The following SNIP1 variants were observed in gnomAD, a reference collection of about 807,000 sequenced individuals.
SNIP1 encodes smad nuclear-interacting protein 1.
SNIP1 carries 23 observed loss-of-function variants against 37.4 expected under a neutral mutation model. The ratio of observed to expected loss-of-function variants is 0.61; its 90% confidence interval spans 0.44 to 0.87. The LOEUF is 0.87. Among genes scored for constraint, SNIP1 ranks in the 40% least tolerant of loss-of-function variants. The pLI is 0.00. For missense variants in SNIP1, 459 were observed against 540.4 expected (o/e 0.85, Z 1.49); for synonymous variants, 174 against 200.0 (o/e 0.87, Z 1.10).
Position 37,554,179 on chromosome 1 carries a change from C to G in SNIP1, c.51G>C (p.Arg17=). 3 of 1,612,024 alleles carry G rather than the reference C, an allele frequency of 1.9e-6. No homozygotes were observed. Among genetic ancestry groups the G allele is most frequent in the Non-Finnish European group, 2.5e-6 (3 of 1,178,836 alleles). Residue 17 remains arginine, a synonymous_variant, in exon 1 of 4, where the codon CGG becomes CGC. Coordinates refer to ENST00000296215, the MANE Select transcript of SNIP1 (RefSeq NM_024700.4). ...CCGCCGGCAGCACCACGTCCCCGTC[C>G]CGGTGTCTTCGCCGGCTCCCTCGCT... ...ERERGSRRRH[R]DGDVVLPAGV...
intron 2 of SNIP1, among the ~76,000 whole-genome samples, chr1:37,544,446 CAAAAAAAAAA>C (rs11374263): frequency 4.2e-5 from 4 of 94,200 alleles, no homozygotes; most frequent in Non-Finnish European, 8.2e-5. Flanking sequence ...GACTCTGTCT[CAAAAAAAAAA>C]AAAAAAAAAG....
rs539324339 is a variant in SNIP1 at position 37,552,262 on chromosome 1, A to C, written c.327+383T>G. 2.6e-5 allele frequency among the ~76,000 whole-genome samples: 4 copies of C among 152,364 alleles called. No homozygotes were observed. In the South Asian group the frequency reaches 8.3e-4, roughly 32 times the overall value. On this transcript the variant is annotated intron_variant, in intron 2 of 3. Coordinates refer to ENST00000296215, the MANE Select transcript of SNIP1 (RefSeq NM_024700.4). The stretch of plus-strand genomic sequence containing the variant: ...AAGTGGGTTTGGCTACAAAAGGACA[A>C]CACGAGGTATTCCTTGCGGTGAAGG...
chr1:37,546,705 A>T (rs1643243949), intron 2 of SNIP1, among the ~76,000 whole-genome samples: 1 of 152,076 alleles, frequency 6.6e-6, no homozygotes, highest in Admixed American at 6.6e-5. Flanking sequence ...AAGAAAAAGT[A>T]TTGTTTTTAA....
chr1:37,548,084 C>T (rs926712681), intron 2 of SNIP1, among the ~76,000 whole-genome samples: 121 of 136,932 alleles, frequency 8.8e-4, no homozygotes, highest in African/African-American at 3.3e-3. Context: ...CCCCGGGAGG[C>T]GGAGCTTGCA....
At position 37,539,379 on chromosome 1, in the gene SNIP1, C is replaced by T. The variant is rs561944701; in HGVS notation, c.926+778G>A. Among the ~76,000 whole-genome samples, 137 of 152,172 alleles carry T rather than the reference C, an allele frequency of 9.0e-4. 1 individual carries two copies. The highest frequency in any genetic ancestry group is 3.2e-3 in the African/African-American group (133 of 41,536). On this transcript the variant is annotated intron_variant, in intron 3 of 3. Coordinates refer to ENST00000296215, the MANE Select transcript of SNIP1 (RefSeq NM_024700.4). ...CATCTGTCAAATGGGGATACAAATA[C>T]GTGTCCATTCGAAGTCAGGAGACCA...
intron 1 of SNIP1, among the ~76,000 whole-genome samples, chr1:37,553,311 C>T (rs1643325187): frequency 6.6e-6 from 1 of 152,230 alleles, no homozygotes; most frequent in African/African-American, 2.4e-5. Flanking sequence ...TCAAATGGCA[C>T]CTCTTTAGAG....
chr1:37,547,273 CAG>C lies in SNIP1; in HGVS notation c.327+5370_327+5371del, dbSNP rs890450250. On this transcript the variant is annotated intron_variant, in intron 2 of 3. Transcript: ENST00000296215. Reference sequence around the variant, plus strand: ...TGGGAGAAGGCCATGTGATGATGGACAGAGAGTCTATATCATAGTGATTACCT... The same window carrying C: ...TGGGAGAAGGCCATGTGATGATGGACAGAGTCTATATCATAGTGATTACCT... 5.4e-4 allele frequency among the ~76,000 whole-genome samples: 82 copies of C among 152,248 alleles called. 1 individual carries two copies. The highest frequency in any genetic ancestry group is 1.9e-3 in the African/African-American group (80 of 41,546).
chr1:37,540,072 G>C lies in SNIP1; in HGVS notation c.926+85C>G. ...CATATGAGGGGTATGGGATTCTTCT[G>C]CATAAACATGAACAAAAATCTTAGT... On this transcript the variant is annotated intron_variant, in intron 3 of 3. Coordinates refer to ENST00000296215, the MANE Select transcript of SNIP1 (RefSeq NM_024700.4). This position sits in a 1 kb window ranked among gnomAD's most constrained non-coding sequence, Gnocchi z 5.6. The C allele has an allele frequency of 8.3e-7, 1 of 1,205,202 alleles. No individual in the cohort carries two copies. Among genetic ancestry groups the C allele is most frequent in the Non-Finnish European group, 1.2e-6 (1 of 851,718 alleles). 74.7% of individuals were successfully genotyped at this position (1,205,202 alleles called of 1,614,324 possible). A position where few individuals can be genotyped will look rare whatever the true frequency, so the allele number is the denominator to read the frequency against.
At chr1:37,551,212 G>A (rs1286434958) in intron 2 of SNIP1, among the ~76,000 whole-genome samples, 1 of 150,866 alleles carries the variant, frequency 6.6e-6, no homozygotes, top group African/African-American at 2.4e-5. Context: ...GGAGGTCGCA[G>A]TGAGCCGAGA....
chr1:37,552,792 C>T (rs749260293), intron 1 of SNIP1, 45 bp from the exon 2 acceptor site: 4 of 1,530,382 alleles, frequency 2.6e-6, no homozygotes, highest in South Asian at 1.1e-5. Context: ...ATTTCCCTTC[C>T]CCCATAAAAA....
Position 37,537,565 on chromosome 1 carries a change from C to CT in SNIP1, c.*182_*183insA. On this transcript the variant is annotated 3_prime_UTR_variant, in exon 4 of 4. Transcript: ENST00000296215. ...CCAAGGTGCCACAGAAAAAGTTTAA[C>CT]AAACATTAGTCAGTGTATTCAAATG... The CT allele has an allele frequency of 1.6e-6, 1 of 636,534 alleles. No individual in the cohort carries two copies. The highest frequency in any genetic ancestry group is 2.6e-6 in the Non-Finnish European group (1 of 385,386). The allele number at this position is 636,534 out of a possible 1,614,324, so 39.4% of individuals were successfully genotyped here.
At chr1:37,539,053 A>G (rs573944927) in intron 3 of SNIP1, among the ~76,000 whole-genome samples, 1 of 152,134 alleles carries the variant, frequency 6.6e-6, no homozygotes, top group Non-Finnish European at 1.5e-5. Context: ...CTGATCTGTC[A>G]CTGTCACCCA....
chr1:37,553,635 G>A (rs1433276304), intron 1 of SNIP1, among the ~76,000 whole-genome samples: 1 of 151,960 alleles, frequency 6.6e-6, no homozygotes, highest in Non-Finnish European at 1.5e-5. Flanking sequence ...AGACCTCGAT[G>A]TGAAAACCTT....
chr1:37,541,843 C>G (rs555527778), intron 2 of SNIP1, among the ~76,000 whole-genome samples: 1 of 152,116 alleles, frequency 6.6e-6, no homozygotes, highest in South Asian at 2.1e-4. Context: ...AATGTAATGC[C>G]TTTTCCATCT....
At chr1:37,546,849 TCA>T (rs1643245036) in intron 2 of SNIP1, among the ~76,000 whole-genome samples, 1 of 152,172 alleles carries the variant, frequency 6.6e-6, no homozygotes. Context: ...TGGCCAATTC[TCA>T]GTCTTCATTT....
At position 37,540,346 on chromosome 1, in the gene SNIP1, T is replaced by C; in HGVS notation, c.737A>G (p.Tyr246Cys). The C allele has an allele frequency of 6.2e-7, 1 of 1,614,160 alleles. No homozygotes were observed. The highest frequency in any genetic ancestry group is 1.1e-5 in the South Asian group (1 of 91,072). The change falls in exon 3 of 4, where the codon TAT becomes TGT. Residue 246 changes from tyrosine (Y) to cysteine (C), a missense_variant. By Grantham distance (194) the Tyr-to-Cys change is radical (BLOSUM62 -2). Transcript: ENST00000296215. This position sits in a 1 kb window ranked among gnomAD's most constrained non-coding sequence, Gnocchi z 5.6. Reference sequence around the variant, plus strand: ...GATACGTGCTTCTGGGGGCTCACTATATTTAATGACTACACCCCGGAAAGT... The same window carrying C: ...GATACGTGCTTCTGGGGGCTCACTACATTTAATGACTACACCCCGGAAAGT... Reference protein sequence around the residue: ...TNTFRGVVIKYSEPPEARIPK... With the variant: ...TNTFRGVVIKCSEPPEARIPK...
In SNIP1 at chr1:37,536,495, C is replaced by T. The variant is rs1643096194; in HGVS notation, c.*1253G>A. Reference sequence around the variant, plus strand: ...CATTAGCAGCAAACAGACCTATGAACACAAGGTCCTCTACGCTAGGAAAGC... The same window carrying T: ...CATTAGCAGCAAACAGACCTATGAATACAAGGTCCTCTACGCTAGGAAAGC... On this transcript the variant is annotated 3_prime_UTR_variant, in exon 4 of 4. Transcript: ENST00000296215. 2 of 152,454 alleles carry T rather than the reference C, an allele frequency of 1.3e-5. No homozygotes were observed. Among genetic ancestry groups the T allele is most frequent in the African/African-American group, 4.8e-5 (2 of 41,432 alleles). The allele number at this position is 152,454 out of a possible 1,614,324, so 9.4% of individuals were successfully genotyped here.
intron 2 of SNIP1, among the ~76,000 whole-genome samples, chr1:37,549,784 G>A (rs1643281084): frequency 6.6e-6 from 1 of 152,078 alleles, no homozygotes; most frequent in Non-Finnish European, 1.5e-5. Context: ...AATAGCTAAA[G>A]CAATTTTTAT....
intron 2 of SNIP1, among the ~76,000 whole-genome samples, chr1:37,547,447 G>A (rs986025184): frequency 9.2e-5 from 14 of 152,136 alleles, no homozygotes; most frequent in African/African-American, 3.4e-4. Flanking sequence ...CGAAAATGGT[G>A]GTTCAGTTGG....
Sources: allele counts gnomAD v4.1 joint callset (sites outside exome capture counted in the v4.1 genomes callset), GRCh38; gene constraint gnomAD v4.1.1; non-coding constraint Gnocchi (gnomAD v3.1); transcripts MANE v1.5; gene names NCBI Gene and HGNC (gene_info 2026-07-23, HGNC 2026-07-21).